LINGO2: variants seen among roughly 807,000 people sequenced by gnomAD.
LINGO2 encodes the protein leucine-rich repeat and immunoglobulin-like domain-containing nogo receptor-interacting protein 2.
Under a neutral mutation model 30.6 loss-of-function variants are expected in LINGO2, and 14 were observed. The observed-to-expected ratio is 0.46, with a 90% confidence interval of 0.30 to 0.72. The LOEUF (loss-of-function observed/expected upper bound fraction) is 0.72, where lower values mean the gene tolerates loss of function less well. LINGO2 is among the 30% of genes least tolerant of loss of function. The probability of loss-of-function intolerance (pLI) is 0.07; values close to 1 mark genes in which losing one functional copy is unlikely to be tolerated. For synonymous variants in LINGO2, 317 were observed against 288.5 expected, an observed-to-expected ratio of 1.10 and a Z score of -1.00; for missense variants, 729 against 751.7, an observed-to-expected ratio of 0.97 and a Z score of 0.35.
chr9:28,579,632 A>T (rs1824162252), intron 1 of LINGO2, among the ~76,000 whole-genome samples: 1 of 152,138 alleles, frequency 6.6e-6, no homozygotes, highest in African/African-American at 2.4e-5. Context: ...TTAATGAATC[A>T]AATAATGACA....
In LINGO2 at chr9:27,985,614, G is replaced by A. The variant is rs534172720; in HGVS notation, c.-36+26741C>T. 3.7e-5 allele frequency among the ~76,000 whole-genome samples: 5 copies of A among 134,356 alleles called. No homozygotes were observed. In the South Asian group the frequency reaches 1.1e-3, roughly 29 times the overall value. 88.1% of individuals were successfully genotyped at this position (134,356 alleles called of 152,430 possible). A position where few individuals can be genotyped will look rare whatever the true frequency, so the allele number is the denominator to read the frequency against. On this transcript the variant is annotated intron_variant, in intron 5 of 5. Transcript: ENST00000379992. ...CAAGAAAAAGTGTAGTACAAGATAA[G>A]GCATACAGTAGGTGGTAAATGTTTA...
intron 5 of LINGO2, among the ~76,000 whole-genome samples, chr9:27,952,198 A>G (rs961484113): frequency 1.3e-5 from 2 of 152,076 alleles, no homozygotes; most frequent in Admixed American, 1.3e-4. Flanking sequence ...TTTCTTGTCT[A>G]CACAAACCAT....
chr9:29,005,176 C>G, the LINGO2 span, among the ~76,000 whole-genome samples: 22 of 152,018 alleles, frequency 1.4e-4, no homozygotes, highest in South Asian at 4.6e-3. Context: ...TGTGTCAAAG[C>G]ACTATATGCA....
intron 3 of LINGO2, among the ~76,000 whole-genome samples, chr9:28,337,650 T>G (rs908371439): frequency 6.6e-6 from 1 of 152,136 alleles, no homozygotes; most frequent in African/African-American, 2.4e-5. Flanking sequence ...CATGGTTCCC[T>G]GAGTCCCAGC....
In LINGO2 at chr9:28,654,793, C is replaced by T. The variant is rs568826513; in HGVS notation, c.-365+15407G>A. Among the ~76,000 whole-genome samples, 50 of 152,186 alleles carry T rather than the reference C, an allele frequency of 3.3e-4. No individual in the cohort carries two copies. In the East Asian group the frequency reaches 3.7e-3, roughly 11 times the overall value. On this transcript the variant is annotated intron_variant, in intron 1 of 5. Transcript: ENST00000379992. Reference sequence around the variant, plus strand: ...ACTGTCAGTCGTCTAGTCAGTAAAACTGAGATAATAACAGCATCCAATTCA... The same window carrying T: ...ACTGTCAGTCGTCTAGTCAGTAAAATTGAGATAATAACAGCATCCAATTCA...
At chr9:28,764,132 T>A in the LINGO2 span, among the ~76,000 whole-genome samples, 84 of 146,792 alleles carry the variant, frequency 5.7e-4, no homozygotes, top group African/African-American at 1.9e-3. Context: ...GAACTCTTTT[T>A]AAAAAAAAAA....
chr9:28,929,822 C>T, the LINGO2 span, among the ~76,000 whole-genome samples: 2 of 152,120 alleles, frequency 1.3e-5, no homozygotes, highest in Non-Finnish European at 1.5e-5. Context: ...AATTTTAACA[C>T]CCCTGAGATT....
intron 4 of LINGO2, among the ~76,000 whole-genome samples, chr9:28,217,144 C>T (rs1820796084): frequency 6.7e-6 from 1 of 149,874 alleles, no homozygotes; most frequent in South Asian, 2.1e-4. Context: ...ATAAATAATA[C>T]TACATATTAT....
intron 4 of LINGO2, among the ~76,000 whole-genome samples, chr9:28,280,032 A>G (rs1478531319): frequency 6.6e-6 from 1 of 152,190 alleles, no homozygotes; most frequent in Non-Finnish European, 1.5e-5. Flanking sequence ...AACAAAGCAC[A>G]GTGTTATAAG....
chr9:28,535,061 G>C (rs908544951), intron 1 of LINGO2, among the ~76,000 whole-genome samples: 2 of 151,990 alleles, frequency 1.3e-5, no homozygotes, highest in African/African-American at 4.8e-5. Flanking sequence ...TCTTCTCCGA[G>C]GAAATTACCA....
intron 4 of LINGO2, among the ~76,000 whole-genome samples, chr9:28,193,212 A>G (rs998821370): frequency 9.9e-5 from 15 of 152,114 alleles, no homozygotes; most frequent in Admixed American, 3.3e-4. Context: ...TTTTCCTTTG[A>G]ATAGTCCCCT....
At position 28,576,713 on chromosome 9, in the gene LINGO2, T is replaced by A. The variant is rs1043643141; in HGVS notation, c.-365+93487A>T. Among the ~76,000 whole-genome samples, 5 of 147,304 alleles carry A rather than the reference T, an allele frequency of 3.4e-5. No homozygotes were observed. In the East Asian group the frequency reaches 9.7e-4, roughly 28 times the overall value. On this transcript the variant is annotated intron_variant, in intron 1 of 5. Coordinates refer to ENST00000379992, the Ensembl canonical transcript of LINGO2. Reference sequence around the variant, plus strand: ...GAATACTTCATAGTAGATATTGCTATTTTTTTCCATAGGTTATTGGGGTGC... The same window carrying A: ...GAATACTTCATAGTAGATATTGCTAATTTTTTCCATAGGTTATTGGGGTGC...
At chr9:28,328,315 T>C (rs1825301589) in intron 3 of LINGO2, among the ~76,000 whole-genome samples, 1 of 152,208 alleles carries the variant, frequency 6.6e-6, no homozygotes, top group Non-Finnish European at 1.5e-5. Flanking sequence ...ATGTTATTTA[T>C]ATCTAACATT....
the LINGO2 span, among the ~76,000 whole-genome samples, chr9:28,813,571 A>T: frequency 1.3e-5 from 2 of 152,194 alleles, no homozygotes; most frequent in African/African-American, 4.8e-5. Flanking sequence ...TATTTAATGA[A>T]CACGAACATC....
At chr9:28,257,626 A>G (rs1822425965) in intron 4 of LINGO2, among the ~76,000 whole-genome samples, 1 of 151,884 alleles carries the variant, frequency 6.6e-6, no homozygotes, top group African/African-American at 2.4e-5. Context: ...ACTTACAGCT[A>G]TACTTGAAGC....
chr9:28,407,012 A>G lies in LINGO2; in HGVS notation c.-278-34144T>C, dbSNP rs370358311. ...AGTTACTAAAGAAATCTCCAACTGC[A>G]GGGGCTAAGTTTTATAAGAAAGAAT... is the stretch of plus-strand genomic sequence containing the variant. On this transcript the variant is annotated intron_variant, in intron 2 of 5. Transcript: ENST00000379992. Among the ~76,000 whole-genome samples the G allele has an allele frequency of 3.3e-5, 5 of 152,132 alleles. No homozygotes were observed. In the East Asian group the frequency reaches 9.6e-4, roughly 29 times the overall value.
intron 5 of LINGO2, among the ~76,000 whole-genome samples, chr9:28,001,255 C>T (rs1248783034): frequency 6.6e-6 from 1 of 152,150 alleles, no homozygotes; most frequent in Non-Finnish European, 1.5e-5. Flanking sequence ...GCTTCCCTTG[C>T]CCCTCTTCCA....
chr9:28,180,264 G>A (rs1459677509), intron 4 of LINGO2, among the ~76,000 whole-genome samples: 3 of 152,026 alleles, frequency 2.0e-5, no homozygotes, highest in Admixed American at 1.3e-4. Flanking sequence ...TGTGGCCAGG[G>A]GTATCTTCAA....
At chr9:28,213,124 G>C (rs1219197020) in intron 4 of LINGO2, among the ~76,000 whole-genome samples, 1 of 151,414 alleles carries the variant, frequency 6.6e-6, no homozygotes, top group Non-Finnish European at 1.5e-5. Flanking sequence ...ACATTCTTAT[G>C]TTATTACTCA....
Sources: allele counts gnomAD v4.1 joint callset (sites outside exome capture counted in the v4.1 genomes callset), GRCh38; gene constraint gnomAD v4.1.1; transcripts MANE v1.5; gene names NCBI Gene and HGNC (gene_info 2026-07-23, HGNC 2026-07-21).